Variants in RPTOR observed in about 807,000 individuals in gnomAD.
RPTOR encodes the protein regulatory associated protein of MTOR complex 1.
Under a neutral mutation model 169.9 loss-of-function variants are expected in RPTOR, and 21 were observed. That is an observed-to-expected ratio of 0.12 (90% CI 0.09 to 0.18). RPTOR has a LOEUF of 0.18. Among genes scored for constraint, RPTOR ranks in the 10% least tolerant of loss-of-function variants. The probability of loss-of-function intolerance (pLI) is 1.00; values close to 1 mark genes in which losing one functional copy is unlikely to be tolerated. For synonymous variants in RPTOR, 732 were observed against 753.2 expected (o/e 0.97, Z 0.46); for missense variants, 1,133 against 1,855.9 (o/e 0.61, Z 7.16).
chr17:80,590,357 G>A (rs1396389933), intron 1 of RPTOR, among the ~76,000 whole-genome samples: 1 of 151,102 alleles, frequency 6.6e-6, no homozygotes, highest in Non-Finnish European at 1.5e-5. Context: ...CATGCACACA[G>A]TGTCTTTAAT....
At chr17:80,638,167 T>C (rs916411768) in intron 2 of RPTOR, among the ~76,000 whole-genome samples, 1 of 152,112 alleles carries the variant, frequency 6.6e-6, no homozygotes. Context: ...GGTAGAGACG[T>C]CAGGGCAGGC....
rs372975956 is a variant in RPTOR at position 80,545,653 on chromosome 17, G to A, written c.24G>A (p.Ser8=). 17 of 1,611,836 alleles carry A rather than the reference G, an allele frequency of 1.1e-5. No homozygotes were observed. Among genetic ancestry groups the A allele is most frequent in the Non-Finnish European group, 1.3e-5 (15 of 1,178,910 alleles). Residue 8 remains serine, a synonymous_variant, in exon 1 of 34, where the codon TCG becomes TCA. Coordinates refer to ENST00000306801, the MANE Select transcript of RPTOR (RefSeq NM_020761.3). ...TGATGGAGTCCGAAATGCTGCAATC[G>A]CCTCTTCTGGGCCTGGGGGAGGAAG... MESEMLQ[S]PLLGLGEEDE...
Position 80,695,989 on chromosome 17 carries a change from G to A in RPTOR, c.349-11852G>A, listed in dbSNP as rs140031701. 3.3e-5 allele frequency among the ~76,000 whole-genome samples: 5 copies of A among 152,334 alleles called. No individual in the cohort carries two copies. Among genetic ancestry groups the A allele is most frequent in the East Asian group, 3.9e-4 (2 of 5,184 alleles). On this transcript the variant is annotated intron_variant, in intron 3 of 33. Coordinates refer to ENST00000306801, the MANE Select transcript of RPTOR (RefSeq NM_020761.3). The surrounding 1 kb of genome is among the most constrained non-coding windows in gnomAD (Gnocchi z 4.9). Reference sequence around the variant, plus strand: ...GTTACATCTTAGATGGAAATTGGCCGTGTCTCTGCTGTTTCTGAGTGTGCG... The same window carrying A: ...GTTACATCTTAGATGGAAATTGGCCATGTCTCTGCTGTTTCTGAGTGTGCG...
At position 80,965,208 on chromosome 17, in the gene RPTOR, T is replaced by G. The variant is rs74001170; in HGVS notation, c.*878T>G. 8.4e-3 allele frequency: 1,962 copies of G among 233,296 alleles called. 39 individuals are homozygous for G. The highest frequency in any genetic ancestry group is 0.04 in the African/African-American group (1,809 of 45,470). 14.5% of individuals were successfully genotyped at this position (233,296 alleles called of 1,614,324 possible). On this transcript the variant is annotated 3_prime_UTR_variant, in exon 34 of 34. Transcript: ENST00000306801. ...ACCTGTGGTCTCCATGCCTGTGCCC[T>G]CACACAGGTGTAGCACACGCATGTG...
At chr17:80,598,236 C>T (rs2065158547) in intron 1 of RPTOR, among the ~76,000 whole-genome samples, 1 of 152,104 alleles carries the variant, frequency 6.6e-6, no homozygotes, top group Non-Finnish European at 1.5e-5. Context: ...ATTCCAGATA[C>T]TATATGATGC....
intron 7 of RPTOR, among the ~76,000 whole-genome samples, chr17:80,800,961 G>T (rs997678464): frequency 1.2e-4 from 18 of 152,326 alleles, no homozygotes; most frequent in African/African-American, 3.4e-4. Flanking sequence ...TGCTTCCGAG[G>T]CTCTGGTAGC....
intron 1 of RPTOR, among the ~76,000 whole-genome samples, chr17:80,560,204 C>G (rs992336974): frequency 5.9e-5 from 9 of 152,204 alleles, no homozygotes; most frequent in Admixed American, 3.9e-4. Flanking sequence ...CTGTTCTGCA[C>G]CAGAGACTTG....
rs1186855117 is a variant in RPTOR, at chr17:80,947,162, A to T, written c.3141-65A>T. ...AGCAGCCCGGTGGGTTTCAGGAGGTATCTCACTGTCATTTGGGTTTGCAGT... is the reference window on the plus strand; with the variant it reads ...AGCAGCCCGGTGGGTTTCAGGAGGTTTCTCACTGTCATTTGGGTTTGCAGT... On this transcript the variant is annotated intron_variant, in intron 26 of 33. Transcript: ENST00000306801. This position sits in a 1 kb window ranked among gnomAD's most constrained non-coding sequence, Gnocchi z 4.4. The T allele has an allele frequency of 1.4e-6, 2 of 1,454,828 alleles. No individual in the cohort carries two copies. Among genetic ancestry groups the T allele is most frequent in the Non-Finnish European group, 1.8e-6 (2 of 1,095,272 alleles). 90.1% of individuals were successfully genotyped at this position (1,454,828 alleles called of 1,614,324 possible).
intron 6 of RPTOR, among the ~76,000 whole-genome samples, chr17:80,769,550 C>G (rs1013079842): frequency 6.6e-6 from 1 of 152,126 alleles, no homozygotes; most frequent in African/African-American, 2.4e-5. Flanking sequence ...CCTGTGTGCC[C>G]GGAAAAGAGG....
intron 11 of RPTOR, among the ~76,000 whole-genome samples, chr17:80,850,003 CT>C (rs1364299944): frequency 6.6e-6 from 1 of 152,240 alleles, no homozygotes; most frequent in African/African-American, 2.4e-5. Context: ...GACTTTTCTT[CT>C]TCTTTCTTTT....
At chr17:80,841,472 T>TGA (rs2067656083) in intron 10 of RPTOR, among the ~76,000 whole-genome samples, 2 of 115,912 alleles carry the variant, frequency 1.7e-5, no homozygotes, top group Admixed American at 8.8e-5. Flanking sequence ...ACACGGCAGC[T>TGA]CACACCACAC....
At chr17:80,837,013 A>G (rs1480890574) in intron 9 of RPTOR, among the ~76,000 whole-genome samples, 1 of 152,074 alleles carries the variant, frequency 6.6e-6, no homozygotes. Context: ...AGGCAGGGAA[A>G]GGGCTGTGGA....
chr17:80,785,153 T>A (rs554613457), intron 6 of RPTOR, among the ~76,000 whole-genome samples: 2 of 152,330 alleles, frequency 1.3e-5, no homozygotes, highest in South Asian at 4.1e-4. Flanking sequence ...CCTTCATCAG[T>A]GTAAATTCTA....
intron 2 of RPTOR, among the ~76,000 whole-genome samples, chr17:80,631,565 T>G (rs1243964290): frequency 6.6e-6 from 1 of 152,228 alleles, no homozygotes; most frequent in Non-Finnish European, 1.5e-5. Context: ...CCCTGCGGTC[T>G]CAGCTCCCTT....
intron 11 of RPTOR, among the ~76,000 whole-genome samples, chr17:80,850,376 C>G (rs1318587219): frequency 1.3e-5 from 2 of 152,216 alleles, no homozygotes; most frequent in Admixed American, 6.5e-5. Flanking sequence ...CATGTTGATG[C>G]AACAGACACG....
At chr17:80,933,253 G>T (rs1363494586) in intron 24 of RPTOR, among the ~76,000 whole-genome samples, 3 of 152,156 alleles carry the variant, frequency 2.0e-5, no homozygotes, top group African/African-American at 4.8e-5. Flanking sequence ...TTTTAATAGA[G>T]TATCAGAACT....
chr17:80,711,033 G>T (rs1598246290), intron 4 of RPTOR, among the ~76,000 whole-genome samples: 1 of 152,302 alleles, frequency 6.6e-6, no homozygotes, highest in East Asian at 1.9e-4. Flanking sequence ...TTCTTTCATG[G>T]TTAAAGGGTT....
intron 12 of RPTOR, among the ~76,000 whole-genome samples, chr17:80,856,205 T>C (rs2067850502): frequency 6.6e-6 from 1 of 152,240 alleles, no homozygotes; most frequent in African/African-American, 2.4e-5. Context: ...TGAATACTCA[T>C]AAAACAATTA....
intron 9 of RPTOR, among the ~76,000 whole-genome samples, chr17:80,824,026 T>C (rs757750207): frequency 1.8e-4 from 28 of 152,310 alleles, no homozygotes; most frequent in Middle Eastern, 3.4e-3. Flanking sequence ...TTTTAGCTAG[T>C]GTTTTGTGTT....
Sources: allele counts gnomAD v4.1 joint callset (sites outside exome capture counted in the v4.1 genomes callset), GRCh38; gene constraint gnomAD v4.1.1; non-coding constraint Gnocchi (gnomAD v3.1); transcripts MANE v1.5; gene names NCBI Gene and HGNC (gene_info 2026-07-23, HGNC 2026-07-21).